The following THADA variants were observed in gnomAD, a reference collection of about 807,000 sequenced individuals.
The protein encoded by THADA is tRNA (32-2'-O)-methyltransferase regulator THADA.
In THADA, 213 loss-of-function variants were observed where a neutral mutation model predicts 219.8. The ratio of observed to expected loss-of-function variants is 0.97; its 90% CI spans 0.87 to 1.09. The LOEUF is 1.09. THADA is among the 50% of genes least tolerant of loss of function. The pLI is 0.00. For synonymous variants in THADA, 1,018 were observed against 828.9 expected (o/e 1.23, Z -3.92); for missense variants, 2,956 against 2,311.3 (o/e 1.28, Z -5.72).
At chr2:43,569,881 G>A (rs1318775221) in intron 14 of THADA, among the ~76,000 whole-genome samples, 1 of 152,044 alleles carries the variant, frequency 6.6e-6, no homozygotes, top group African/African-American at 2.4e-5. Context: ...CTGCACCCAG[G>A]TTTCCATCCA....
intron 31 of THADA, among the ~76,000 whole-genome samples, chr2:43,312,296 TAGA>T (rs1260124318): frequency 4.0e-5 from 6 of 151,454 alleles, no homozygotes; most frequent in African/African-American, 1.5e-4. Context: ...AAAATGTGGG[TAGA>T]AGGTTTCATG....
Position 43,574,434 on chromosome 2 carries a change from T to G in THADA, c.1631A>C (p.Tyr544Ser). Residue 544 changes from tyrosine to serine, a missense_variant, in exon 11 of 38, where the codon TAC (tyrosine) becomes TCC (serine). By Grantham distance (144) the Tyr-to-Ser change is moderately radical. Coordinates refer to ENST00000405975, the MANE Select transcript of THADA (RefSeq NM_022065.5). ...TTTTGGCAAGTAATAATCAATCACG[T>G]AAGATTTTTGATCCAAGTTTCCTTC... is the stretch of plus-strand genomic sequence containing the variant. ...LCEGNLDQKS[Y>S]VIDYYLPKLL... 6.2e-7 allele frequency: 1 copy of G among 1,612,396 alleles called. No homozygotes were observed. Among genetic ancestry groups the G allele is most frequent in the Admixed American group, 1.7e-5 (1 of 59,682 alleles).
At chr2:43,310,670 T>C (rs578061286) in intron 31 of THADA, among the ~76,000 whole-genome samples, 7 of 152,326 alleles carry the variant, frequency 4.6e-5, no homozygotes, top group African/African-American at 1.7e-4. Flanking sequence ...TTTGTGACTT[T>C]GGATTAGGCA....
At chr2:43,456,009 CA>C (rs1682951534) in intron 26 of THADA, among the ~76,000 whole-genome samples, 1 of 152,114 alleles carries the variant, frequency 6.6e-6, no homozygotes, top group Non-Finnish European at 1.5e-5. Flanking sequence ...GCTCGATTGC[CA>C]AAAGACTACG....
intron 21 of THADA, among the ~76,000 whole-genome samples, chr2:43,533,881 A>G (rs1276742193): frequency 6.6e-6 from 1 of 152,172 alleles, no homozygotes; most frequent in Non-Finnish European, 1.5e-5. Context: ...CGTTCAGCAC[A>G]TGTCTCCCAG....
intron 29 of THADA, among the ~76,000 whole-genome samples, chr2:43,377,695 T>C (rs1671537953): frequency 6.6e-6 from 1 of 152,186 alleles, no homozygotes; most frequent in Admixed American, 6.5e-5. Context: ...GAGAGGCTTA[T>C]GCAGTATAGG....
chr2:43,567,027 A>G (rs1050184713), intron 14 of THADA, among the ~76,000 whole-genome samples: 5 of 152,000 alleles, frequency 3.3e-5, no homozygotes, highest in African/African-American at 4.8e-5. Flanking sequence ...AATAAACCCT[A>G]TATTTGCAGA....
chr2:43,415,973 G>C (rs985503730), intron 28 of THADA, among the ~76,000 whole-genome samples: 1 of 152,060 alleles, frequency 6.6e-6, no homozygotes, highest in Non-Finnish European at 1.5e-5. Flanking sequence ...AAAAGGGTGG[G>C]GGGATAATAA....
intron 31 of THADA, among the ~76,000 whole-genome samples, chr2:43,318,358 A>G (rs964022596): frequency 6.6e-6 from 1 of 152,176 alleles, no homozygotes; most frequent in Non-Finnish European, 1.5e-5. Context: ...CACATTTTAA[A>G]AAGTAAAAGA....
chr2:43,490,550 C>A (rs1687498465), intron 25 of THADA, among the ~76,000 whole-genome samples: 1 of 152,096 alleles, frequency 6.6e-6, no homozygotes, highest in African/African-American at 2.4e-5. Flanking sequence ...TCAAATGCCT[C>A]TTTTGTATCT....
At position 43,244,086 on chromosome 2, in the gene THADA, G is replaced by A. The variant is rs141300035; in HGVS notation, c.5297-11204C>T. On this transcript the variant is annotated intron_variant, in intron 36 of 37. Transcript: ENST00000405975. ...TTATTTTTAAAGTTAAAATAACTATGATTTTAAAAATGTGGGCCCACCTCA... is the reference window on the plus strand; with the variant it reads ...TTATTTTTAAAGTTAAAATAACTATAATTTTAAAAATGTGGGCCCACCTCA... Among the ~76,000 whole-genome samples the A allele has an allele frequency of 5.8e-4, 88 of 152,210 alleles. No individual in the cohort carries two copies. In the East Asian group the frequency reaches 0.014, roughly 25 times the overall value.
intron 4 of THADA, 119 bp downstream of exon 4, chr2:43,590,705 T>C (rs1434508950): frequency 2.0e-6 from 2 of 1,004,440 alleles, no homozygotes; most frequent in South Asian, 1.7e-5. Context: ...ACAAACCATA[T>C]GAATGAACTT....
At chr2:43,591,000 C>G (rs200601827) in intron 3 of THADA, 46 bp from the exon 4 acceptor site, 3 of 1,561,608 alleles carry the variant, frequency 1.9e-6, no homozygotes, top group Admixed American at 3.4e-5. Context: ...TCAAATATAG[C>G]AAAGTAACAT....
chr2:43,357,057 T>C (rs1213143415), intron 29 of THADA, among the ~76,000 whole-genome samples: 1 of 152,242 alleles, frequency 6.6e-6, no homozygotes, highest in African/African-American at 2.4e-5. Context: ...AGATGGCAAG[T>C]GTCACTGTGC....
intron 36 of THADA, among the ~76,000 whole-genome samples, chr2:43,234,779 A>G (rs765635526): frequency 6.7e-6 from 1 of 150,176 alleles, no homozygotes; most frequent in Non-Finnish European, 1.5e-5. Flanking sequence ...TTAGCCCCCA[A>G]GTAGCTGGGA....
In THADA at chr2:43,581,797, G is replaced by A. The variant is rs770322476; in HGVS notation, c.665C>T (p.Pro222Leu). The change falls in exon 8 of 38, where the codon CCC (proline) becomes CTC (leucine). Residue 222 changes from proline to leucine, a missense_variant. Transcript: ENST00000405975. ...QGNLWKTSDS[P>L]IWQNMCGLLS... is the part of the protein sequence containing the mutation. ...CAATCCACACATATTTTGCCATATG[G>A]GAGAATCGGAAGTCTTCCAAAGATT... The A allele has an allele frequency of 6.2e-7, 1 of 1,612,702 alleles. No homozygotes were observed. The highest frequency in any genetic ancestry group is 8.5e-7 in the Non-Finnish European group (1 of 1,179,666).
intron 17 of THADA, 164 bp downstream of exon 17, chr2:43,556,181 G>C: frequency 7.3e-7 from 1 of 1,363,790 alleles, no homozygotes. Flanking sequence ...TATTATAGCT[G>C]ACTAAAATGT....
chr2:43,235,189 A>G (rs1338010900), intron 36 of THADA, among the ~76,000 whole-genome samples: 1 of 150,354 alleles, frequency 6.7e-6, no homozygotes, highest in African/African-American at 2.5e-5. Context: ...CATGTTGGCC[A>G]GGCTAGTCTT....
intron 36 of THADA, among the ~76,000 whole-genome samples, chr2:43,252,382 T>C (rs1035164403): frequency 3.3e-5 from 5 of 152,214 alleles, no homozygotes; most frequent in African/African-American, 1.2e-4. Context: ...GTTTAGTGGG[T>C]ACTTATGTGC....
Sources: allele counts gnomAD v4.1 joint callset (sites outside exome capture counted in the v4.1 genomes callset), GRCh38; gene constraint gnomAD v4.1.1; transcripts MANE v1.5; gene names NCBI Gene and HGNC (gene_info 2026-07-23, HGNC 2026-07-21).